Variants in RBL2 observed in about 807,000 individuals in gnomAD.
RBL2 encodes the protein retinoblastoma-like protein 2.
Under a neutral mutation model 126.0 loss-of-function variants are expected in RBL2, and 56 were observed. That is an observed-to-expected ratio of 0.44 (90% CI 0.36 to 0.56). The LOEUF is 0.56. RBL2 is among the 20% of genes least tolerant of loss of function. The pLI is 0.00. For synonymous variants in RBL2, 454 were observed against 478.5 expected (o/e 0.95, Z 0.67); for missense variants, 1,229 against 1,398.2 (o/e 0.88, Z 1.93).
chr16:53,465,058 G>T (rs558222305), intron 12 of RBL2, among the ~76,000 whole-genome samples: 1 of 152,222 alleles, frequency 6.6e-6, no homozygotes, highest in African/African-American at 2.4e-5. Context: ...CCCCCAGAGT[G>T]CTGGGATTAC....
intron 13 of RBL2, among the ~76,000 whole-genome samples, chr16:53,466,505 T>G (rs1220756199): frequency 6.6e-6 from 1 of 151,514 alleles, no homozygotes; most frequent in Non-Finnish European, 1.5e-5. Flanking sequence ...TGCAACTAGA[T>G]GGTCCCATCT....
At chr16:53,434,949 T>C (rs1217059274) in intron 1 of RBL2, among the ~76,000 whole-genome samples, 153 bp downstream of exon 1, 1 of 152,082 alleles carries the variant, frequency 6.6e-6, no homozygotes, top group African/African-American at 2.4e-5. Context: ...CCGAGGCTCT[T>C]AGCCGCTCCG....
intron 4 of RBL2, among the ~76,000 whole-genome samples, chr16:53,450,145 T>A (rs2058101343): frequency 6.6e-6 from 1 of 152,216 alleles, no homozygotes; most frequent in Non-Finnish European, 1.5e-5. Flanking sequence ...TTGGTTTGGC[T>A]GTATCAATGC....
chr16:53,465,355 C>A, intron 12 of RBL2, 83 bp from the exon 13 acceptor site: 1 of 946,928 alleles, frequency 1.1e-6, no homozygotes, highest in Non-Finnish European at 1.4e-6. Flanking sequence ...AATACTTCAA[C>A]TTGTAATTTT....
intron 1 of RBL2, chr16:53,435,837 A>G: frequency 9.0e-7 from 1 of 1,114,820 alleles, no homozygotes; most frequent in Non-Finnish European, 1.2e-6. Context: ...TAATTCAATT[A>G]CTAGTTCCCT....
At chr16:53,490,065 TTTGAC>T (rs1961351829) in intron 21 of RBL2, 60 bp from the exon 22 acceptor site, 1 of 1,265,520 alleles carries the variant, frequency 7.9e-7, no homozygotes, top group Non-Finnish European at 1.1e-6. Flanking sequence ...TTTGAGATTC[TTTGAC>T]TTAATACTGA....
chr16:53,467,236 C>A, intron 14 of RBL2, 67 bp downstream of exon 14: 1 of 1,318,748 alleles, frequency 7.6e-7, no homozygotes, highest in Non-Finnish European at 1.1e-6. Flanking sequence ...TCATCTAACC[C>A]TACAAGTGAA....
chr16:53,476,123 CCTT>C (rs1816336695), intron 17 of RBL2, among the ~76,000 whole-genome samples: 1 of 151,946 alleles, frequency 6.6e-6, no homozygotes, highest in South Asian at 2.1e-4. Context: ...CGCCCTTGGC[CCTT>C]CTTCATTTTC....
At chr16:53,482,837 T>A (rs1022811415) in intron 21 of RBL2, among the ~76,000 whole-genome samples, 1 of 150,346 alleles carries the variant, frequency 6.7e-6, no homozygotes, top group Non-Finnish European at 1.5e-5. Context: ...AAACGGTTGC[T>A]TAGAAATACA....
At chr16:53,488,859 C>T (rs761167676) in intron 21 of RBL2, 7 of 151,928 alleles carry the variant, frequency 4.6e-5, no homozygotes, top group Non-Finnish European at 7.4e-5. Context: ...AAATGCAGAC[C>T]AGACTCTTAG....
At chr16:53,454,525 A>C (rs995801721) in intron 7 of RBL2, 131 bp from the exon 8 acceptor site, 2 of 836,760 alleles carry the variant, frequency 2.4e-6, no homozygotes, top group Non-Finnish European at 3.6e-6. Flanking sequence ...TCTTATAACT[A>C]CAAGTTACCC....
At chr16:53,472,572 T>C (rs1960563180) in intron 17 of RBL2, among the ~76,000 whole-genome samples, 1 of 152,232 alleles carries the variant, frequency 6.6e-6, no homozygotes, top group Non-Finnish European at 1.5e-5. Context: ...TATCTTTAAA[T>C]CCTTTGCCCA....
At chr16:53,456,310 G>A (rs1190151368) in intron 8 of RBL2, among the ~76,000 whole-genome samples, 1 of 152,214 alleles carries the variant, frequency 6.6e-6, no homozygotes, top group Non-Finnish European at 1.5e-5. Flanking sequence ...CCATTAAGAG[G>A]GTTATTAAGA....
chr16:53,456,846 C>A (rs1275999346), intron 8 of RBL2, among the ~76,000 whole-genome samples: 1 of 152,180 alleles, frequency 6.6e-6, no homozygotes, highest in Non-Finnish European at 1.5e-5. Flanking sequence ...TCCTCCCCAA[C>A]CCTCAGGACT....
rs976388442 is a variant in RBL2 at position 53,434,511 on chromosome 16, C to T, written c.-46C>T. 5.9e-6 allele frequency: 8 copies of T among 1,366,188 alleles called. No individual in the cohort carries two copies. Among genetic ancestry groups the T allele is most frequent in the African/African-American group, 4.6e-5 (3 of 65,684 alleles). The allele number at this position is 1,366,188 out of a possible 1,614,324, so 84.6% of individuals were successfully genotyped here. ...GCTTCGCCGTTTGAATGGCTGCGGG[C>T]CCGGGCCCTCACCTCACCTGAGGTC... On this transcript the variant is annotated 5_prime_UTR_variant, in exon 1 of 22. Coordinates refer to ENST00000262133, the MANE Select transcript of RBL2 (RefSeq NM_005611.4).
intron 8 of RBL2, among the ~76,000 whole-genome samples, chr16:53,455,208 G>A (rs1316024648): frequency 6.6e-6 from 1 of 152,202 alleles, no homozygotes; most frequent in Non-Finnish European, 1.5e-5. Flanking sequence ...AGAGACTGGA[G>A]AAAATGAGGA....
At chr16:53,440,875 G>A (rs905705751) in intron 2 of RBL2, among the ~76,000 whole-genome samples, 1 of 151,538 alleles carries the variant, frequency 6.6e-6, no homozygotes, top group Non-Finnish European at 1.5e-5. Flanking sequence ...CTTATCATTG[G>A]GAAAATTTGA....
rs769589873 is a variant in RBL2, at chr16:53,470,609, C to T, written c.2472C>T (p.Thr824=). The T allele has an allele frequency of 5.0e-6, 8 of 1,614,082 alleles. No homozygotes were observed. In the East Asian group the frequency reaches 1.6e-4, roughly 31 times the overall value. ...GQQQKQGQSV[T]SSSNRPRKTS... ...AGCAGAAGCAAGGCCAGTCTGTAAC[C>T]AGCAGTAGTAATAGACCCAGGAAGA... Residue 824 remains threonine (T), a synonymous_variant, in exon 16 of 22, where the codon ACC becomes ACT. Transcript: ENST00000262133.
At chr16:53,467,544 C>G (rs1203783046) in intron 14 of RBL2, among the ~76,000 whole-genome samples, 1 of 152,130 alleles carries the variant, frequency 6.6e-6, no homozygotes, top group Non-Finnish European at 1.5e-5. Context: ...TGCGCCACCA[C>G]GCCTAGCTAA....
Sources: allele counts gnomAD v4.1 joint callset (sites outside exome capture counted in the v4.1 genomes callset), GRCh38; gene constraint gnomAD v4.1.1; transcripts MANE v1.5; gene names NCBI Gene and HGNC (gene_info 2026-07-23, HGNC 2026-07-21).